FBXO36: variants seen among roughly 807,000 people sequenced by gnomAD.
FBXO36 encodes F-box only protein 36.
A neutral mutation model predicts 17.0 loss-of-function variants in FBXO36; 18 were observed. The observed-to-expected ratio is 1.06, with a 90% CI of 0.73 to 1.57. FBXO36 has a LOEUF of 1.57. FBXO36 is among the 40% of genes most tolerant of loss of function. FBXO36 has a pLI of 0.00. For synonymous variants in FBXO36, 83 were observed against 85.3 expected, an observed-to-expected ratio of 0.97 and a Z score of 0.15; for missense variants, 229 against 221.9, an observed-to-expected ratio of 1.03 and a Z score of -0.20.
chr2:229,944,586 CTTTTTCTTTTTTTTTTTTT>C, intron 1 of FBXO36, among the ~76,000 whole-genome samples: 1 of 123,788 alleles, frequency 8.1e-6, no homozygotes, highest in East Asian at 2.5e-4. Flanking sequence ...TATTTTTTTT[CTTTTTCTTTTTTTTTTTTT>C]TTTTTGAGAC....
At chr2:229,924,813 G>A (rs547593840) in intron 1 of FBXO36, among the ~76,000 whole-genome samples, 1 of 151,578 alleles carries the variant, frequency 6.6e-6, no homozygotes, top group South Asian at 2.1e-4. Flanking sequence ...CTGTCGCCCA[G>A]GCTGGAGTGC....
intron 1 of FBXO36, among the ~76,000 whole-genome samples, chr2:229,970,095 A>G (rs1279512888): frequency 1.3e-5 from 2 of 152,184 alleles, no homozygotes; most frequent in African/African-American, 4.8e-5. Flanking sequence ...TTAAGTGCCA[A>G]CATTTTGACA....
intron 1 of FBXO36, among the ~76,000 whole-genome samples, chr2:229,961,243 T>C (rs2077119224): frequency 6.6e-6 from 1 of 152,184 alleles, no homozygotes; most frequent in Non-Finnish European, 1.5e-5. Context: ...TGGTGAACTC[T>C]TCCACCAATA....
intron 1 of FBXO36, among the ~76,000 whole-genome samples, chr2:229,957,994 GGTATATCCCAAGATGAATT>G (rs1451384139): frequency 6.6e-6 from 1 of 152,106 alleles, no homozygotes. Flanking sequence ...CTTAGAGTCA[GGTATATCCCAAGATGAATT>G]TGGTACAGTG....
rs1038214939 is a variant in FBXO36, at chr2:230,011,839, A to G, written c.*955A>G. 1 of 152,172 alleles carries G rather than the reference A, an allele frequency of 6.6e-6. No individual in the cohort carries two copies. Among genetic ancestry groups the G allele is most frequent in the East Asian group, 1.9e-4 (1 of 5,196 alleles). The allele number at this position is 152,172 out of a possible 1,614,324, so 9.4% of individuals were successfully genotyped here. ...ACAAGGATATTTAAGAAAACAGACT[A>G]TGAGTTAACTAAGTAAAAATGTAAA... On this transcript the variant is annotated 3_prime_UTR_variant, in exon 4 of 4. Transcript: ENST00000283946.
intron 2 of FBXO36, among the ~76,000 whole-genome samples, chr2:229,990,837 T>C (rs2077294225): frequency 6.6e-6 from 1 of 152,230 alleles, no homozygotes; most frequent in Non-Finnish European, 1.5e-5. Context: ...AGCTAATCTG[T>C]AAAGCAGTAT....
chr2:230,009,046 T>C (rs1193328798), intron 3 of FBXO36, among the ~76,000 whole-genome samples: 3 of 152,218 alleles, frequency 2.0e-5, no homozygotes, highest in Non-Finnish European at 4.4e-5. Flanking sequence ...TCTTCCCTTA[T>C]TGGAGTACTT....
At chr2:229,988,682 G>A (rs1237378616) in intron 2 of FBXO36, among the ~76,000 whole-genome samples, 2 of 151,976 alleles carry the variant, frequency 1.3e-5, no homozygotes, top group Admixed American at 1.3e-4. Context: ...TTACAGGCAT[G>A]CATCACCATG....
intron 1 of FBXO36, among the ~76,000 whole-genome samples, chr2:229,934,011 A>AT (rs2076952013): frequency 6.6e-6 from 1 of 152,096 alleles, no homozygotes; most frequent in African/African-American, 2.4e-5. Flanking sequence ...ATACACAAAC[A>AT]TTAAAAAAAG....
intron 3 of FBXO36, among the ~76,000 whole-genome samples, chr2:229,999,404 G>A (rs1037762724): frequency 6.1e-5 from 9 of 146,582 alleles, no homozygotes; most frequent in South Asian, 2.2e-4. Context: ...TGGGATTACA[G>A]GTGTGAGCCA....
At chr2:229,968,871 T>G (rs1440286704) in intron 1 of FBXO36, among the ~76,000 whole-genome samples, 2 of 151,410 alleles carry the variant, frequency 1.3e-5, no homozygotes, top group Admixed American at 1.3e-4. Context: ...ACTCCCAGGT[T>G]CAAGTGATTC....
chr2:229,950,923 A>ATTATTTTATT lies in FBXO36; in HGVS notation c.97-25300_97-25291dup, dbSNP rs370225121. Among the ~76,000 whole-genome samples the ATTATTTTATT allele has an allele frequency of 2.9e-4, 44 of 151,152 alleles. 1 individual carries two copies. The highest frequency in any genetic ancestry group is 7.6e-4 in the African/African-American group (31 of 40,946). On this transcript the variant is annotated intron_variant, in intron 1 of 3. Coordinates refer to ENST00000283946, the MANE Select transcript of FBXO36 (RefSeq NM_174899.5). ...AGGCATGCGCCATTATGCCCCACTA[A>ATTATTTTATT]TTATTTTATTTTATTTTATTTTATT...
intron 2 of FBXO36, among the ~76,000 whole-genome samples, chr2:229,989,727 ATT>A (rs11313146): frequency 1.7e-3 from 201 of 120,840 alleles, no homozygotes; most frequent in Admixed American, 3.5e-3. Flanking sequence ...CGCCTGGCTA[ATT>A]TTTTTTTTTT....
chr2:230,006,297 T>C (rs2106217992), intron 3 of FBXO36, among the ~76,000 whole-genome samples: 1 of 152,074 alleles, frequency 6.6e-6, no homozygotes, highest in East Asian at 1.9e-4. Flanking sequence ...GGTTTCGCCA[T>C]GTTGGTCAGG....
At chr2:229,985,008 G>C (rs959630271) in intron 2 of FBXO36, among the ~76,000 whole-genome samples, 1 of 152,128 alleles carries the variant, frequency 6.6e-6, no homozygotes, top group African/African-American at 2.4e-5. Context: ...GTGCATTCTT[G>C]AAAATCTTGC....
chr2:229,984,524 G>T (rs560513207), intron 2 of FBXO36, among the ~76,000 whole-genome samples: 1 of 150,818 alleles, frequency 6.6e-6, no homozygotes, highest in Non-Finnish European at 1.5e-5. Flanking sequence ...AAGTAGCTGG[G>T]ACTACAGGCG....
intron 1 of FBXO36, among the ~76,000 whole-genome samples, chr2:229,948,519 A>G (rs2077039115): frequency 1.4e-3 from 1 of 708 alleles, no homozygotes; most frequent in Non-Finnish European, 0.042. Flanking sequence ...GGCTTTAGAG[A>G]AAAAAAAAAA....
intron 2 of FBXO36, among the ~76,000 whole-genome samples, chr2:229,979,281 T>G (rs2077225855): frequency 6.6e-6 from 1 of 151,874 alleles, no homozygotes; most frequent in East Asian, 1.9e-4. Flanking sequence ...GAGGATTTCT[T>G]GAGCCCAGGA....
intron 2 of FBXO36, among the ~76,000 whole-genome samples, chr2:229,989,458 T>C (rs943699883): frequency 3.2e-4 from 48 of 152,208 alleles, no homozygotes; most frequent in Admixed American, 3.0e-3. Context: ...GGTTTCTCCA[T>C]GTTGGTCAGG....
Sources: allele counts gnomAD v4.1 joint callset (sites outside exome capture counted in the v4.1 genomes callset), GRCh38; gene constraint gnomAD v4.1.1; transcripts MANE v1.5; gene names NCBI Gene and HGNC (gene_info 2026-07-23, HGNC 2026-07-21).